The following NME8 variants were observed in gnomAD, a reference collection of about 807,000 sequenced individuals.
The protein encoded by NME8 is protein NME8.
A neutral mutation model predicts 82.3 loss-of-function variants in NME8; 72 were observed. That is an observed-to-expected ratio of 0.87 (90% confidence interval 0.72 to 1.06). NME8 has a LOEUF of 1.06. Ranked by LOEUF, NME8 falls within the 50% of genes least tolerant of loss-of-function variation. NME8 has a pLI of 0.00. For missense variants in NME8, 712 were observed against 685.4 expected (o/e 1.04, Z -0.43); for synonymous variants, 267 against 228.5 (o/e 1.17, Z -1.52).
intron 5 of NME8, among the ~76,000 whole-genome samples, chr7:37,856,475 A>C (rs1191710481): frequency 6.6e-6 from 1 of 152,162 alleles, no homozygotes; most frequent in Non-Finnish European, 1.5e-5. Context: ...TTGTTCAGCC[A>C]CCCAGTCAAT....
Position 37,867,840 on chromosome 7 carries a change from G to A in NME8, c.760G>A (p.Asp254Asn). 1.2e-6 allele frequency: 2 copies of A among 1,613,842 alleles called. No homozygotes were observed. Among genetic ancestry groups the A allele is most frequent in the Non-Finnish European group, 1.7e-6 (2 of 1,179,872 alleles). Residue 254 changes from aspartate to asparagine, a missense_variant, in exon 11 of 18, where the codon GAT becomes AAT. By Grantham distance (23) the Asp-to-Asn change is conservative. Coordinates refer to ENST00000199447, the MANE Select transcript of NME8 (RefSeq NM_016616.5). ...TDTEPNERSE[D>N]QPEVEAQVTP... ...CACCGAACCTAACGAACGATCTGAG[G>A]ATCAACCTGAGGTCGAAGCCCAGGT... is the stretch of plus-strand genomic sequence containing the variant.
chr7:37,884,761 T>G (rs1785015508), intron 13 of NME8, among the ~76,000 whole-genome samples: 1 of 152,346 alleles, frequency 6.6e-6, no homozygotes, highest in South Asian at 2.1e-4. Flanking sequence ...TCTCAAGAGC[T>G]TTTGTAATCT....
chr7:37,866,486 A>G (rs1784684341), intron 10 of NME8, among the ~76,000 whole-genome samples: 1 of 152,142 alleles, frequency 6.6e-6, no homozygotes, highest in Non-Finnish European at 1.5e-5. Context: ...CCTGGGCCCC[A>G]CCTCAGACTT....
chr7:37,870,264 C>T (rs1312224634), intron 11 of NME8, among the ~76,000 whole-genome samples: 4 of 150,396 alleles, frequency 2.7e-5, no homozygotes, highest in East Asian at 3.9e-4. Context: ...AAAAAGAACT[C>T]GCAAAAAATA....
chr7:37,873,971 G>T lies in NME8; in HGVS notation c.819-2861G>T, dbSNP rs1192168843. 3.3e-5 allele frequency among the ~76,000 whole-genome samples: 5 copies of T among 152,136 alleles called. No homozygotes were observed. In the East Asian group the frequency reaches 9.6e-4, roughly 29 times the overall value. ...AGTTACTTACAAGGGAAAAATACTT[G>T]ACTGCCATAGGGCTCATTTTAGGAC... On this transcript the variant is annotated intron_variant, in intron 11 of 17. Coordinates refer to ENST00000199447, the MANE Select transcript of NME8 (RefSeq NM_016616.5).
rs1784424325 is a variant in NME8 at position 37,850,548 on chromosome 7, C to G, written c.92-81C>G. ...CCAAGAAATCCTGCAGTGCCTTTGC[C>G]CTGGCCATGGCTCCAGATTGGGATA... is the stretch of plus-strand genomic sequence containing the variant. On this transcript the variant is annotated intron_variant, in intron 4 of 17. Coordinates refer to ENST00000199447, the MANE Select transcript of NME8 (RefSeq NM_016616.5). 8 of 1,514,542 alleles carry G rather than the reference C, an allele frequency of 5.3e-6. No individual in the cohort carries two copies. The East Asian group carries it at 1.8e-4, about 34-fold the overall frequency. 93.8% of individuals were successfully genotyped at this position (1,514,542 alleles called of 1,614,324 possible). A position where few individuals can be genotyped will look rare whatever the true frequency, so the allele number is the denominator to read the frequency against.
At chr7:37,880,429 T>C (rs1245401417) in intron 12 of NME8, among the ~76,000 whole-genome samples, 1 of 152,236 alleles carries the variant, frequency 6.6e-6, no homozygotes, top group Non-Finnish European at 1.5e-5. Context: ...TTTCTAATTA[T>C]TTCAGCACCA....
chr7:37,850,385 T>A lies in NME8; in HGVS notation c.41T>A (p.Ile14Asn). The A allele has an allele frequency of 6.2e-7, 1 of 1,614,156 alleles. No homozygotes were observed. The highest frequency in any genetic ancestry group is 1.1e-5 in the South Asian group (1 of 91,088). Residue 14 changes from isoleucine (I) to asparagine (N), a missense_variant, in exon 4 of 18, where the codon ATC (isoleucine) becomes AAC (asparagine). Physicochemically the swap from Ile to Asn is moderately radical, Grantham distance 149. Transcript: ENST00000199447. ...KKREVQLQTV[I>N]NNQSLWDEML... ...GTGCCTTCCACTTTGCAGACAGTCATCAATAATCAAAGCCTGTGGGATGAG... is the reference window on the plus strand; with the variant it reads ...GTGCCTTCCACTTTGCAGACAGTCAACAATAATCAAAGCCTGTGGGATGAG...
intron 11 of NME8, among the ~76,000 whole-genome samples, chr7:37,871,589 G>A (rs1294762180): frequency 6.6e-6 from 1 of 151,984 alleles, no homozygotes; most frequent in East Asian, 1.9e-4. Context: ...ATTTATTAAA[G>A]ACCTACTATA....
intron 12 of NME8, among the ~76,000 whole-genome samples, chr7:37,882,597 A>AAGAAAGAGAGAGAGAGAGAG (rs1554365622): frequency 2.4e-5 from 2 of 82,994 alleles, no homozygotes; most frequent in South Asian, 4.1e-4. Flanking sequence ...GAAAGAAAGA[A>AAGAAAGAGAGAGAGAGAGAG]AGAGAGAGAG....
intron 13 of NME8, among the ~76,000 whole-genome samples, chr7:37,884,914 A>G (rs925297953): frequency 1.6e-4 from 24 of 152,264 alleles, no homozygotes; most frequent in African/African-American, 5.5e-4. Flanking sequence ...TGAAAGAAAC[A>G]TCTACAAGAA....
intron 12 of NME8, among the ~76,000 whole-genome samples, chr7:37,881,741 C>A (rs1182812793): frequency 3.3e-5 from 5 of 152,058 alleles, no homozygotes; most frequent in Admixed American, 6.5e-5. Flanking sequence ...GTCATTTATT[C>A]CTTAAACGTT....
rs370763505 is a variant in NME8, at chr7:37,854,963, A to G, written c.199-2311A>G. Among the ~76,000 whole-genome samples the G allele has an allele frequency of 6.6e-5, 10 of 152,288 alleles. 1 individual carries two copies. The East Asian group carries it at 1.7e-3, about 26-fold the overall frequency. ...AGCTTTTGCAGCTTTTTCTATAACAATGATGGCATCTTCAATGGTGCAATT... is the reference window on the plus strand; with the variant it reads ...AGCTTTTGCAGCTTTTTCTATAACAGTGATGGCATCTTCAATGGTGCAATT... On this transcript the variant is annotated intron_variant, in intron 5 of 17. Transcript: ENST00000199447.
At chr7:37,849,923 C>A (rs1247462003) in intron 2 of NME8, among the ~76,000 whole-genome samples, 2 of 146,754 alleles carry the variant, frequency 1.4e-5, no homozygotes, top group African/African-American at 5.0e-5. Flanking sequence ...TTTGCTAGCA[C>A]AAACAGGTGA....
At chr7:37,857,211 A>G (rs1199444902) in intron 5 of NME8, 63 bp from the exon 6 acceptor site, 6 of 1,204,142 alleles carry the variant, frequency 5.0e-6, no homozygotes, top group Non-Finnish European at 7.3e-6. Flanking sequence ...GTTTCAACAT[A>G]GTGTATCAAA....
intron 14 of NME8, among the ~76,000 whole-genome samples, chr7:37,885,570 A>C (rs965476062): frequency 2.6e-5 from 4 of 152,208 alleles, no homozygotes; most frequent in African/African-American, 9.7e-5. Flanking sequence ...TCCTTTGAGA[A>C]GGTTATGGTG....
intron 8 of NME8, 32 bp downstream of exon 8, chr7:37,863,494 G>T (rs1400874560): frequency 3.0e-6 from 4 of 1,336,482 alleles, no homozygotes; most frequent in Non-Finnish European, 4.3e-6. Flanking sequence ...TAATCCAAGG[G>T]TTTTCTGTAC....
intron 5 of NME8, among the ~76,000 whole-genome samples, chr7:37,852,458 A>G (rs1238184812): frequency 3.3e-5 from 5 of 152,276 alleles, no homozygotes; most frequent in Non-Finnish European, 4.4e-5. Flanking sequence ...ATGGCATCAT[A>G]TAGTATAGTT....
intron 15 of NME8, among the ~76,000 whole-genome samples, chr7:37,891,049 A>G (rs1785122240): frequency 6.6e-6 from 1 of 151,878 alleles, no homozygotes; most frequent in South Asian, 2.1e-4. Context: ...TCTGTTGGTC[A>G]TTGTATGTTC....
Sources: gnomAD v4.1 joint callset for allele counts (sites outside exome capture counted in the v4.1 genomes callset) on GRCh38, gnomAD v4.1.1 for gene constraint, MANE v1.5 for transcripts, NCBI Gene and HGNC (gene_info 2026-07-23, HGNC 2026-07-21) for gene names.